Variants in ENKUR observed in about 807,000 individuals in gnomAD.
ENKUR encodes the protein enkurin, TRPC channel interacting protein.
Under a neutral mutation model 27.6 loss-of-function variants are expected in ENKUR, and 19 were observed. That is an observed-to-expected ratio of 0.69 (90% CI 0.48 to 1.01). ENKUR has a LOEUF of 1.01. Among genes scored for constraint, ENKUR ranks in the 50% least tolerant of loss-of-function variants. The pLI is 0.00. For synonymous variants in ENKUR, 117 were observed against 96.9 expected (o/e 1.21, Z -1.22); for missense variants, 312 against 310.5 (o/e 1.00, Z -0.04).
chr10:25,024,609 A>G, intron 2 of ENKUR: 1 of 1,614,218 alleles, frequency 6.2e-7, no homozygotes. Context: ...TGGAATATGG[A>G]ACAATCTTAA....
intron 1 of ENKUR, among the ~76,000 whole-genome samples, chr10:25,014,256 A>AT: frequency 6.6e-6 from 1 of 152,326 alleles, no homozygotes; most frequent in Non-Finnish European, 1.5e-5. Flanking sequence ...GTGGGAGATC[A>AT]AAAGCCAGGC....
intron 2 of ENKUR, among the ~76,000 whole-genome samples, chr10:25,031,918 C>G (rs771380277): frequency 6.6e-6 from 1 of 151,884 alleles, no homozygotes; most frequent in Non-Finnish European, 1.5e-5. Context: ...AAGTGATCCT[C>G]CCACCTCAGC....
chr10:25,035,511 C>T (rs373362558), intron 2 of ENKUR, among the ~76,000 whole-genome samples: 1 of 151,660 alleles, frequency 6.6e-6, no homozygotes, highest in East Asian at 1.9e-4. Flanking sequence ...GCTGAGATTG[C>T]ACCATTGCAC....
chr10:24,997,444 T>C (rs1265394526), intron 2 of ENKUR, among the ~76,000 whole-genome samples: 1 of 150,974 alleles, frequency 6.6e-6, no homozygotes, highest in Non-Finnish European at 1.5e-5. Flanking sequence ...TGGAGTGCAG[T>C]GATGCAATCA....
At chr10:24,999,333 C>A (rs751547725) in intron 2 of ENKUR, 68 bp downstream of exon 2, 25 of 1,461,502 alleles carry the variant, frequency 1.7e-5, no homozygotes, top group Non-Finnish European at 2.2e-5. Flanking sequence ...TATTCATCAA[C>A]AATAAAATAA....
intron 3 of ENKUR, among the ~76,000 whole-genome samples, chr10:24,995,005 C>T (rs1850014598): frequency 6.6e-6 from 1 of 152,038 alleles, no homozygotes; most frequent in Non-Finnish European, 1.5e-5. Context: ...TGGGAAACAG[C>T]ATGAGAATAT....
intron 2 of ENKUR, among the ~76,000 whole-genome samples, chr10:25,035,251 C>T (rs1850994069): frequency 6.6e-6 from 1 of 152,106 alleles, no homozygotes; most frequent in African/African-American, 2.4e-5. Flanking sequence ...GAATAATGCA[C>T]AAGATAAGAT....
rs1849721241 is a variant in ENKUR at position 24,983,820 on chromosome 10, A to G, written c.*550T>C. On this transcript the variant is annotated 3_prime_UTR_variant, in exon 6 of 6. Transcript: ENST00000331161. Reference sequence around the variant, plus strand: ...TGCATATATTTTACCAAATTTTTCTAATTTAAAATTTCATAAAATAACCTT... The same window carrying G: ...TGCATATATTTTACCAAATTTTTCTGATTTAAAATTTCATAAAATAACCTT... 1.3e-5 allele frequency: 2 copies of G among 152,166 alleles called. No individual in the cohort carries two copies. 9.4% of individuals were successfully genotyped at this position (152,166 alleles called of 1,614,324 possible).
At chr10:24,998,761 A>T (rs1221720673) in intron 2 of ENKUR, among the ~76,000 whole-genome samples, 1 of 152,272 alleles carries the variant, frequency 6.6e-6, no homozygotes, top group African/African-American at 2.4e-5. Context: ...GGGATCAAGT[A>T]TATAATTTTT....
intron 2 of ENKUR, among the ~76,000 whole-genome samples, chr10:25,032,891 G>A (rs1850953380): frequency 1.3e-5 from 2 of 152,006 alleles, no homozygotes; most frequent in African/African-American, 2.4e-5. Context: ...CTCTAAAGTC[G>A]ATCCCTGGCT....
chr10:25,027,914 G>T (rs376370303), intron 2 of ENKUR, among the ~76,000 whole-genome samples: 2 of 152,102 alleles, frequency 1.3e-5, no homozygotes, highest in Non-Finnish European at 2.9e-5. Flanking sequence ...ACGAGACAAC[G>T]CAAAAATTCA....
intron 4 of ENKUR, among the ~76,000 whole-genome samples, chr10:24,985,849 C>T (rs796828556): frequency 6.6e-6 from 1 of 152,160 alleles, no homozygotes; most frequent in African/African-American, 2.4e-5. Flanking sequence ...AGGTGAATTG[C>T]TTGAGCCCAG....
chr10:25,030,692 A>G (rs1850924318), intron 2 of ENKUR, among the ~76,000 whole-genome samples: 1 of 152,138 alleles, frequency 6.6e-6, no homozygotes, highest in Non-Finnish European at 1.5e-5. Context: ...TTCAGTTCTG[A>G]TAATTATGAT....
At chr10:25,030,092 T>TTTTAAGGCA (rs1850918401) in intron 2 of ENKUR, among the ~76,000 whole-genome samples, 8 of 152,174 alleles carry the variant, frequency 5.3e-5, no homozygotes, top group Admixed American at 5.2e-4. Flanking sequence ...GCCTTTCCTG[T>TTTTAAGGCA]TTTAAGGCAG....
chr10:24,995,611 A>G, intron 3 of ENKUR, 35 bp downstream of exon 3: 1 of 1,535,206 alleles, frequency 6.5e-7, no homozygotes, highest in Non-Finnish European at 8.9e-7. Context: ...AATTATTTGA[A>G]TTTCAGCCCT....
chr10:25,001,042 G>T (rs1373483956), intron 1 of ENKUR, among the ~76,000 whole-genome samples: 1 of 151,676 alleles, frequency 6.6e-6, no homozygotes, highest in Non-Finnish European at 1.5e-5. Context: ...TTTTCTGTGT[G>T]GTATAAAATC....
rs1200683567 is a variant in ENKUR, at chr10:24,984,188, G to A, written c.*182C>T. 6 of 591,344 alleles carry A rather than the reference G, an allele frequency of 1.0e-5. No homozygotes were observed. Among genetic ancestry groups the A allele is most frequent in the African/African-American group, 3.7e-5 (2 of 53,874 alleles). 36.6% of individuals were successfully genotyped at this position (591,344 alleles called of 1,614,324 possible). A position where few individuals can be genotyped will look rare whatever the true frequency, so the allele number is the denominator to read the frequency against. ...AGCCTTTCATCATATACAGTGTTACGAATACTGAAAATATTTCTCACTGGG... is the reference window on the plus strand; with the variant it reads ...AGCCTTTCATCATATACAGTGTTACAAATACTGAAAATATTTCTCACTGGG... On this transcript the variant is annotated 3_prime_UTR_variant, in exon 6 of 6. Coordinates refer to ENST00000331161, the MANE Select transcript of ENKUR (RefSeq NM_145010.4).
chr10:25,013,920 CAA>C (rs1850507047), intron 1 of ENKUR, among the ~76,000 whole-genome samples: 1 of 149,724 alleles, frequency 6.7e-6, no homozygotes, highest in Non-Finnish European at 1.5e-5. Flanking sequence ...CCAGCCTGGG[CAA>C]AAAGAGTGAA....
chr10:25,040,256 G>A (rs1851048483), intron 2 of ENKUR, among the ~76,000 whole-genome samples: 1 of 152,170 alleles, frequency 6.6e-6, no homozygotes, highest in African/African-American at 2.4e-5. Context: ...TGGGGAAACA[G>A]ATTTCACTCC....
Sources: allele counts gnomAD v4.1 joint callset (sites outside exome capture counted in the v4.1 genomes callset), GRCh38; gene constraint gnomAD v4.1.1; transcripts MANE v1.5; gene names NCBI Gene and HGNC (gene_info 2026-07-23, HGNC 2026-07-21).